The following TNNI3K variants were observed in gnomAD, a reference collection of about 807,000 sequenced individuals.
TNNI3K encodes serine/threonine-protein kinase TNNI3K.
A neutral mutation model predicts 114.5 loss-of-function variants in TNNI3K; 140 were observed. The ratio of observed to expected loss-of-function variants is 1.22; its 90% CI spans 1.07 to 1.41. The LOEUF (loss-of-function observed/expected upper bound fraction) is 1.41. Ranked by LOEUF, TNNI3K falls within the 40% of genes most tolerant of loss-of-function variation. The pLI is 0.00. For missense variants in TNNI3K, 1,125 were observed against 1,007.6 expected (o/e 1.12, Z -1.58); for synonymous variants, 347 against 347.5 (o/e 1.00, Z 0.02).
intron 17 of TNNI3K, among the ~76,000 whole-genome samples, chr1:74,382,549 A>G (rs1483957921): frequency 1.3e-5 from 2 of 152,172 alleles, no homozygotes; most frequent in Non-Finnish European, 2.9e-5. Flanking sequence ...TTGTTACTAA[A>G]TGATGTGGGA....
chr1:74,434,781 C>T (rs887463287), intron 17 of TNNI3K, among the ~76,000 whole-genome samples: 33 of 151,992 alleles, frequency 2.2e-4, no homozygotes, highest in African/African-American at 7.2e-4. Context: ...ATGATTTTAA[C>T]ATATTTTAGA....
At chr1:74,489,970 TAGAG>T (rs1344851779) in intron 22 of TNNI3K, among the ~76,000 whole-genome samples, 1 of 128,678 alleles carries the variant, frequency 7.8e-6, no homozygotes, top group African/African-American at 3.0e-5. Flanking sequence ...GGGGCAACAA[TAGAG>T]AGAAATAGCA....
intron 11 of TNNI3K, among the ~76,000 whole-genome samples, chr1:74,365,521 G>A (rs919967419): frequency 1.3e-5 from 2 of 151,990 alleles, no homozygotes; most frequent in Non-Finnish European, 2.9e-5. Flanking sequence ...AATTTGAGAA[G>A]CACTACTCCA....
chr1:74,499,497 T>G (rs1002839689), intron 23 of TNNI3K, among the ~76,000 whole-genome samples: 3 of 152,296 alleles, frequency 2.0e-5, no homozygotes, highest in African/African-American at 7.2e-5. Context: ...ATTGTCAATC[T>G]CTCATTGTGC....
intron 21 of TNNI3K, among the ~76,000 whole-genome samples, chr1:74,468,826 A>T (rs1667784735): frequency 1.3e-5 from 2 of 152,234 alleles, no homozygotes; most frequent in South Asian, 4.1e-4. Flanking sequence ...TAATATTCTA[A>T]ATTGTGAAGG....
chr1:74,415,896 G>T (rs1665094942), intron 17 of TNNI3K, among the ~76,000 whole-genome samples: 1 of 151,972 alleles, frequency 6.6e-6, no homozygotes, highest in South Asian at 2.1e-4. Flanking sequence ...AGCTACTACT[G>T]GTATGCAGAC....
chr1:74,495,221 A>C lies in TNNI3K; in HGVS notation c.2351+2955A>C, dbSNP rs1050594094. Among the ~76,000 whole-genome samples, 3 of 152,202 alleles carry C rather than the reference A, an allele frequency of 2.0e-5. No homozygotes were observed. The South Asian group carries it at 6.2e-4, about 31-fold the overall frequency. The stretch of plus-strand genomic sequence containing the variant: ...GGCATTTCCCTGAGGATTTGCTGTG[A>C]GCGTGCATTCAAGGTCAGTTTGTTA... On this transcript the variant is annotated intron_variant, in intron 23 of 24. Coordinates refer to ENST00000326637, the MANE Select transcript of TNNI3K (RefSeq NM_015978.3).
At chr1:74,421,266 G>T (rs192149939) in intron 17 of TNNI3K, among the ~76,000 whole-genome samples, 4 of 152,066 alleles carry the variant, frequency 2.6e-5, no homozygotes, top group African/African-American at 9.7e-5. Context: ...TTCTAATTGC[G>T]AAGATTTAAA....
At chr1:74,392,408 G>A (rs895913722) in intron 17 of TNNI3K, among the ~76,000 whole-genome samples, 4 of 152,166 alleles carry the variant, frequency 2.6e-5, no homozygotes, top group African/African-American at 9.7e-5. Flanking sequence ...CTTAAACTCA[G>A]CAGGTAACAG....
In TNNI3K at chr1:74,543,990, C is replaced by T. The variant is rs200563967; in HGVS notation, c.*8C>T. 40 of 1,611,256 alleles carry T rather than the reference C, an allele frequency of 2.5e-5. No individual in the cohort carries two copies. In the South Asian group the frequency reaches 2.8e-4, roughly 11 times the overall value. On this transcript the variant is annotated 3_prime_UTR_variant, in exon 25 of 25. Transcript: ENST00000326637. ...TTTGAGGACAGCAGCTGACAGCATT[C>T]GGCGTATACCTAAGGAGAGTTTTTT...
intron 17 of TNNI3K, among the ~76,000 whole-genome samples, chr1:74,399,091 C>T (rs560015350): frequency 6.9e-6 from 1 of 144,996 alleles, no homozygotes; most frequent in East Asian, 2.1e-4. Flanking sequence ...GGGAGGTGGA[C>T]GTTGCAGTGA....
At chr1:74,239,030 C>A (rs973704381) in intron 2 of TNNI3K, among the ~76,000 whole-genome samples, 4 of 152,024 alleles carry the variant, frequency 2.6e-5, no homozygotes, top group African/African-American at 9.7e-5. Flanking sequence ...GAAAACTATA[C>A]TTCTAGAAAG....
intron 23 of TNNI3K, among the ~76,000 whole-genome samples, chr1:74,510,954 C>T (rs1308719997): frequency 6.6e-6 from 1 of 152,208 alleles, no homozygotes; most frequent in Non-Finnish European, 1.5e-5. Flanking sequence ...ATGGTGCGAT[C>T]TTGGCTCACT....
Position 74,532,051 on chromosome 1 carries a change from T to G in TNNI3K, c.2352-8183T>G, listed in dbSNP as rs182192681. On this transcript the variant is annotated intron_variant, in intron 23 of 24. Transcript: ENST00000326637. ...TGTTGCCTGAAGTCTTTAATCACAC[T>G]GATAACCTAATGGTTTTCTGCTCAA... Among the ~76,000 whole-genome samples, 4 of 152,348 alleles carry G rather than the reference T, an allele frequency of 2.6e-5. No homozygotes were observed. The East Asian group carries it at 7.7e-4, about 29-fold the overall frequency.
chr1:74,292,202 A>G (rs547975041), intron 5 of TNNI3K, among the ~76,000 whole-genome samples: 1 of 151,174 alleles, frequency 6.6e-6, no homozygotes, highest in East Asian at 1.9e-4. Context: ...GCTTTGTTGA[A>G]TTTCTCTAGT....
chr1:74,395,717 C>T (rs1302102024), intron 17 of TNNI3K, among the ~76,000 whole-genome samples: 12 of 152,118 alleles, frequency 7.9e-5, no homozygotes, highest in Non-Finnish European at 1.5e-4. Context: ...ATGCAGGAAA[C>T]CTCCAGTGCG....
At chr1:74,543,841 T>C (rs1045896626) in intron 24 of TNNI3K, 65 bp from the exon 25 acceptor site, 5 of 1,596,136 alleles carry the variant, frequency 3.1e-6, no homozygotes, top group Admixed American at 1.7e-5. Context: ...TCAGGCTGGT[T>C]ATAAAAAATT....
intron 4 of TNNI3K, among the ~76,000 whole-genome samples, chr1:74,260,616 A>C (rs1448922457): frequency 6.6e-6 from 1 of 152,174 alleles, no homozygotes; most frequent in African/African-American, 2.4e-5. Context: ...TACTTAATAA[A>C]AATTAACCAT....
intron 17 of TNNI3K, among the ~76,000 whole-genome samples, chr1:74,418,828 G>A (rs1438764406): frequency 2.6e-5 from 4 of 151,536 alleles, no homozygotes; most frequent in African/African-American, 7.3e-5. Flanking sequence ...GGATACCTTC[G>A]GTCATTGCAA....
Sources: allele counts gnomAD v4.1 joint callset (sites outside exome capture counted in the v4.1 genomes callset), GRCh38; gene constraint gnomAD v4.1.1; transcripts MANE v1.5; gene names NCBI Gene and HGNC (gene_info 2026-07-23, HGNC 2026-07-21).